Variants in VEPH1 observed in about 807,000 individuals in gnomAD.
VEPH1 encodes the protein ventricular zone-expressed PH domain-containing protein homolog 1.
A neutral mutation model predicts 85.2 loss-of-function variants in VEPH1; 80 were observed. The observed-to-expected ratio is 0.94, with a 90% CI of 0.78 to 1.13. VEPH1 has a LOEUF of 1.13. Among genes scored for constraint, VEPH1 ranks in the 50% most tolerant of loss-of-function variants. The pLI, the probability that VEPH1 is intolerant of heterozygous loss-of-function variation, is 0.00. For missense variants in VEPH1, 955 were observed against 980.5 expected (o/e 0.97, Z 0.35); for synonymous variants, 297 against 348.0 (o/e 0.85, Z 1.63).
At chr3:157,345,835 G>A (rs1724151963) in intron 9 of VEPH1, among the ~76,000 whole-genome samples, 1 of 152,168 alleles carries the variant, frequency 6.6e-6, no homozygotes, top group Non-Finnish European at 1.5e-5. Context: ...ATACACCATG[G>A]AATACTATGC....
chr3:157,425,949 C>A (rs1019964838), intron 5 of VEPH1, among the ~76,000 whole-genome samples: 1 of 152,168 alleles, frequency 6.6e-6, no homozygotes, highest in Non-Finnish European at 1.5e-5. Flanking sequence ...TTCTCCCATA[C>A]TGTTCTCATG....
intron 11 of VEPH1, among the ~76,000 whole-genome samples, chr3:157,298,531 G>A (rs887277441): frequency 6.6e-6 from 1 of 152,118 alleles, no homozygotes; most frequent in African/African-American, 2.4e-5. Flanking sequence ...CATAAACTAG[G>A]TCTGAGAACT....
chr3:157,264,393 T>C (rs534766228), intron 13 of VEPH1, among the ~76,000 whole-genome samples: 1 of 152,324 alleles, frequency 6.6e-6, no homozygotes, highest in East Asian at 1.9e-4. Flanking sequence ...CAGCATATCA[T>C]GGAACTTCAC....
chr3:157,288,211 T>C (rs1717027059), intron 11 of VEPH1, among the ~76,000 whole-genome samples: 1 of 152,230 alleles, frequency 6.6e-6, no homozygotes, highest in South Asian at 2.1e-4. Flanking sequence ...ATGTTCTTAT[T>C]GGCCTTGCAT....
chr3:157,392,259 C>T (rs1009327061), intron 6 of VEPH1, among the ~76,000 whole-genome samples: 23 of 152,134 alleles, frequency 1.5e-4, no homozygotes, highest in Non-Finnish European at 2.9e-5. Flanking sequence ...TGTATTAGTC[C>T]ATTTTCACAA....
chr3:157,394,585 A>G (rs1216042484), intron 6 of VEPH1, among the ~76,000 whole-genome samples: 1 of 152,202 alleles, frequency 6.6e-6, no homozygotes, highest in East Asian at 1.9e-4. Context: ...TAGTTCTGCA[A>G]TCTGCTTCTG....
chr3:157,304,038 T>TATATATATATATACAC lies in VEPH1; in HGVS notation c.2010+9582_2010+9583insGTGTATATATATATAT. Among the ~76,000 whole-genome samples the TATATATATATATACAC allele has an allele frequency of 2.2e-4, 21 of 96,916 alleles. 1 individual carries two copies. The highest frequency in any genetic ancestry group is 6.1e-4 in the African/African-American group (20 of 32,706). 63.6% of individuals were successfully genotyped at this position (96,916 alleles called of 152,430 possible). ...CTTATATTTTTTATATATATATATATACACACATACTGTTACATCTTATAT... is the reference window on the plus strand; with the variant it reads ...CTTATATTTTTTATATATATATATATATATATATATATACACACACACATACTGTTACATCTTATAT... On this transcript the variant is annotated intron_variant, in intron 11 of 13. Transcript: ENST00000362010.
rs1428917629 is a variant in VEPH1 at position 157,347,285 on chromosome 3, T to G, written c.1735+16079A>C. Among the ~76,000 whole-genome samples the G allele has an allele frequency of 1.3e-5, 2 of 152,276 alleles. 1 individual carries two copies. Among genetic ancestry groups the G allele is most frequent in the East Asian group, 3.9e-4 (2 of 5,184 alleles). On this transcript the variant is annotated intron_variant, in intron 9 of 13. Transcript: ENST00000362010. The stretch of plus-strand genomic sequence containing the variant: ...TCAGTAGAAAGACATGATTGAGACA[T>G]AGGAATAGTCTTAACTGTCTACATT...
chr3:157,294,587 C>T (rs1183783051), intron 11 of VEPH1, among the ~76,000 whole-genome samples: 1 of 152,232 alleles, frequency 6.6e-6, no homozygotes, highest in Non-Finnish European at 1.5e-5. Context: ...GTGCCCCCAT[C>T]TCTGAACTTA....
rs182033907 is a variant in VEPH1 at position 157,482,516 on chromosome 3, G to A, written c.139-11987C>T. Among the ~76,000 whole-genome samples, 76 of 152,158 alleles carry A rather than the reference G, an allele frequency of 5.0e-4. 1 individual carries two copies. The highest frequency in any genetic ancestry group is 1.7e-3 in the African/African-American group (69 of 41,542). ...GGAATTACAGGTGTGAGCCACCCAC[G>A]CCCAGCTGATGTTGATAGTTTGATA... is the stretch of plus-strand genomic sequence containing the variant. On this transcript the variant is annotated intron_variant, in intron 2 of 13. Coordinates refer to ENST00000362010, the MANE Select transcript of VEPH1 (RefSeq NM_001167912.2).
At chr3:157,291,890 A>G (rs1717513603) in intron 11 of VEPH1, among the ~76,000 whole-genome samples, 1 of 152,236 alleles carries the variant, frequency 6.6e-6, no homozygotes, top group Non-Finnish European at 1.5e-5. Flanking sequence ...CTATTCAACT[A>G]TGACCATTAA....
chr3:157,426,278 G>A (rs1030575450), intron 5 of VEPH1, among the ~76,000 whole-genome samples: 3 of 152,188 alleles, frequency 2.0e-5, no homozygotes, highest in African/African-American at 7.2e-5. Flanking sequence ...TCTAGGGGTA[G>A]AGCATGCATC....
At chr3:157,325,936 T>G (rs146928565) in intron 9 of VEPH1, among the ~76,000 whole-genome samples, 22 of 152,368 alleles carry the variant, frequency 1.4e-4, no homozygotes, top group Middle Eastern at 3.4e-3. Context: ...ATGGCCATTT[T>G]CATGATATTG....
chr3:157,454,486 A>G (rs1247282443), intron 4 of VEPH1, among the ~76,000 whole-genome samples: 2 of 152,192 alleles, frequency 1.3e-5, no homozygotes, highest in East Asian at 3.8e-4. Context: ...TAGTTCTTGG[A>G]AGGCAATAGG....
At chr3:157,488,609 C>T (rs1316474032) in intron 2 of VEPH1, among the ~76,000 whole-genome samples, 3 of 146,976 alleles carry the variant, frequency 2.0e-5, no homozygotes, top group Non-Finnish European at 4.5e-5. Context: ...GGACTTTTTA[C>T]TTTCTGTCTG....
intron 4 of VEPH1, among the ~76,000 whole-genome samples, chr3:157,451,272 G>T (rs1269633730): frequency 1.3e-5 from 2 of 152,028 alleles, no homozygotes; most frequent in East Asian, 3.9e-4. Context: ...GTCTTATTTG[G>T]TATAGAGATA....
intron 12 of VEPH1, among the ~76,000 whole-genome samples, chr3:157,271,196 G>A (rs920321485): frequency 3.3e-5 from 5 of 152,162 alleles, no homozygotes; most frequent in African/African-American, 1.2e-4. Context: ...AACAGTCACA[G>A]AGAGGTCATA....
chr3:157,296,140 C>A (rs1203988552), intron 11 of VEPH1, among the ~76,000 whole-genome samples: 1 of 151,952 alleles, frequency 6.6e-6, no homozygotes, highest in Non-Finnish European at 1.5e-5. Flanking sequence ...AAGTTTAAAA[C>A]AACAGTACAA....
chr3:157,334,585 G>A (rs1235313418), intron 9 of VEPH1, among the ~76,000 whole-genome samples: 1 of 152,108 alleles, frequency 6.6e-6, no homozygotes, highest in Non-Finnish European at 1.5e-5. Context: ...AATACTCTGA[G>A]GACTTACCAA....
Sources: gnomAD v4.1 joint callset for allele counts (sites outside exome capture counted in the v4.1 genomes callset) on GRCh38, gnomAD v4.1.1 for gene constraint, MANE v1.5 for transcripts, NCBI Gene and HGNC (gene_info 2026-07-23, HGNC 2026-07-21) for gene names.